The following ZNF257 variants were observed in gnomAD, a reference collection of about 807,000 sequenced individuals.
The protein encoded by ZNF257 is bone marrow zinc finger 4.
A neutral mutation model predicts 11.9 loss-of-function variants in ZNF257; 12 were observed. The ratio of observed to expected loss-of-function variants is 1.01; its 90% CI spans 0.65 to 1.63. The LOEUF (loss-of-function observed/expected upper bound fraction) is 1.63, where lower values mean the gene tolerates loss of function less well. Among genes scored for constraint, ZNF257 ranks in the 40% most tolerant of loss-of-function variants. The pLI is 0.00. For missense variants in ZNF257, 580 were observed against 665.5 expected (o/e 0.87, Z 1.41); for synonymous variants, 183 against 222.7 (o/e 0.82, Z 1.59).
chr19:22,080,226 C>T (rs2145712115), intron 3 of ZNF257, among the ~76,000 whole-genome samples: 1 of 152,272 alleles, frequency 6.6e-6, no homozygotes, highest in South Asian at 2.1e-4. Context: ...GAGAGCCTCT[C>T]ACTTTGTTCT....
At position 22,088,077 on chromosome 19, in the gene ZNF257, G is replaced by T; in HGVS notation, c.327G>T (p.Glu109Asp). ...ILRRYDKCEH[E>D]NLQLRKGCKS... is the part of the protein sequence containing the mutation. ...GGAGATATGATAAATGTGAACATGA[G>T]AATTTACAATTAAGAAAGGGCTGTA... The change falls in exon 4 of 4, where the codon GAG becomes GAT. Residue 109 changes from glutamate (E) to aspartate (D), a missense_variant. Coordinates refer to ENST00000594947, the MANE Select transcript of ZNF257 (RefSeq NM_033468.4). 1 of 1,607,994 alleles carries T rather than the reference G, an allele frequency of 6.2e-7. No homozygotes were observed. Among genetic ancestry groups the T allele is most frequent in the Non-Finnish European group, 8.5e-7 (1 of 1,176,504 alleles).
At chr19:22,066,958 A>G in intron 1 of ZNF257, among the ~76,000 whole-genome samples, 1 of 152,176 alleles carries the variant, frequency 6.6e-6, no homozygotes, top group East Asian at 1.9e-4. Flanking sequence ...CTGGGGCTGT[A>G]GAAAGTTTTT....
intron 1 of ZNF257, among the ~76,000 whole-genome samples, chr19:22,070,379 T>C (rs1210356568): frequency 6.6e-6 from 1 of 151,728 alleles, no homozygotes; most frequent in African/African-American, 2.4e-5. Context: ...ATTAAAATGC[T>C]GTGCCCTTTA....
intron 3 of ZNF257, among the ~76,000 whole-genome samples, chr19:22,078,710 T>C (rs1483414220): frequency 2.6e-5 from 4 of 152,094 alleles, no homozygotes; most frequent in Admixed American, 6.5e-5. Context: ...TATGTCTGGG[T>C]ATTTTATTTA....
intron 1 of ZNF257, among the ~76,000 whole-genome samples, chr19:22,056,478 A>ATTTTTTTT: frequency 7.4e-6 from 1 of 134,604 alleles, no homozygotes; most frequent in African/African-American, 2.9e-5. Context: ...GAATTTAGAA[A>ATTTTTTTT]TTTTTTTTTT....
intron 1 of ZNF257, among the ~76,000 whole-genome samples, chr19:22,059,623 G>T (rs1384210092): frequency 2.2e-5 from 3 of 139,196 alleles, no homozygotes; most frequent in East Asian, 4.2e-4. Context: ...TGCTACAAAG[G>T]ACATGATTTT....
In ZNF257 at chr19:22,088,260, G is replaced by T. The variant is rs1057511431; in HGVS notation, c.510G>T (p.Lys170Asn). 1.2e-6 allele frequency: 2 copies of T among 1,613,116 alleles called. No individual in the cohort carries two copies. Among genetic ancestry groups the T allele is most frequent in the African/African-American group, 2.7e-5 (2 of 74,850 alleles). The change falls in exon 4 of 4, where the codon AAG becomes AAT. Residue 170 changes from lysine to asparagine, a missense_variant. Coordinates refer to ENST00000594947, the MANE Select transcript of ZNF257 (RefSeq NM_033468.4). ...SDRHKIRHTEKKTCKCKECGK... is the reference protein window; with the variant it reads ...SDRHKIRHTENKTCKCKECGK... ...GACATAAGATAAGACATACTGAAAA[G>T]AAAACTTGCAAATGTAAAGAATGTG...
Position 22,088,439 on chromosome 19 carries a change from A to T in ZNF257, c.689A>T (p.Lys230Ile). 6.2e-7 allele frequency: 1 copy of T among 1,613,768 alleles called. No individual in the cohort carries two copies. The highest frequency in any genetic ancestry group is 2.2e-5 in the East Asian group (1 of 44,860). Residue 230 changes from lysine (K) to isoleucine (I), a missense_variant, in exon 4 of 4, where the codon AAA (lysine) becomes ATA (isoleucine). Transcript: ENST00000594947. The stretch of plus-strand genomic sequence containing the variant: ...ACTCATACTGGAGAGAAACCCTACA[A>T]ATGTGAAGAGTGTGGAAAAGCTTTT... Reference protein sequence around the residue: ...KMTHTGEKPYKCEECGKAFNR... With the variant: ...KMTHTGEKPYICEECGKAFNR...
At chr19:22,078,044 A>G (rs1020127895) in intron 3 of ZNF257, among the ~76,000 whole-genome samples, 3 of 151,274 alleles carry the variant, frequency 2.0e-5, no homozygotes, top group African/African-American at 7.3e-5. Context: ...TTGAGACCGG[A>G]CTGGCCAATA....
intron 1 of ZNF257, among the ~76,000 whole-genome samples, chr19:22,056,313 G>T (rs1167355561): frequency 6.6e-6 from 1 of 151,950 alleles, no homozygotes; most frequent in Non-Finnish European, 1.5e-5. Flanking sequence ...GCTAATTTTT[G>T]TATTTTTAGT....
At chr19:22,055,277 G>A (rs1176576726) in intron 1 of ZNF257, among the ~76,000 whole-genome samples, 2 of 152,072 alleles carry the variant, frequency 1.3e-5, no homozygotes, top group Non-Finnish European at 2.9e-5. Flanking sequence ...CACCATCTTG[G>A]CTCACTGCAA....
chr19:22,080,998 C>T (rs78424261), intron 3 of ZNF257, among the ~76,000 whole-genome samples: 6,655 of 151,754 alleles, frequency 0.044, 538 homozygotes, highest in African/African-American at 0.15. Flanking sequence ...CCACCTCAGC[C>T]TCCCGAGTTG....
intron 3 of ZNF257, among the ~76,000 whole-genome samples, chr19:22,084,818 C>G (rs1196059602): frequency 6.6e-6 from 1 of 151,254 alleles, no homozygotes; most frequent in African/African-American, 2.4e-5. Flanking sequence ...TAACTCCTGC[C>G]TCCCGGGTTC....
intron 1 of ZNF257, among the ~76,000 whole-genome samples, chr19:22,054,075 CTTTTTT>C (rs747135550): frequency 1.1e-5 from 1 of 88,220 alleles, no homozygotes; most frequent in Non-Finnish European, 2.1e-5. Flanking sequence ...ATTTGTTTTT[CTTTTTT>C]TTTTTTTTTA....
Position 22,067,479 on chromosome 19 carries a change from T to TA in ZNF257, c.4-5321dup, listed in dbSNP as rs55910414. On this transcript the variant is annotated intron_variant, in intron 1 of 3. Transcript: ENST00000594947. Reference sequence around the variant, plus strand: ...AATGTAGGTCTTAAGTTTTGGAAAATAAAAAAAAACGTTTATCTGAGGAAT... The same window carrying TA: ...AATGTAGGTCTTAAGTTTTGGAAAATAAAAAAAAAACGTTTATCTGAGGAAT... Among the ~76,000 whole-genome samples the TA allele has an allele frequency of 2.6e-3, 390 of 150,994 alleles. 3 individuals are homozygous for TA. Among genetic ancestry groups the TA allele is most frequent in the East Asian group, 0.023 (116 of 5,112 alleles).
rs1343371251 is a variant in ZNF257, at chr19:22,088,861, C to A, written c.1111C>A (p.Pro371Thr). 1.2e-6 allele frequency: 2 copies of A among 1,613,014 alleles called. No homozygotes were observed. Among genetic ancestry groups the A allele is most frequent in the East Asian group, 2.2e-5 (1 of 44,796 alleles). Reference sequence around the variant, plus strand: ...TAAGATAATTCATACTAAAGAGAAACCCTACAAATGTGAAGAGTGTGGAAA... The same window carrying A: ...TAAGATAATTCATACTAAAGAGAAAACCTACAAATGTGAAGAGTGTGGAAA... ...QHKIIHTKEKPYKCEECGKAF... is the reference protein window; with the variant it reads ...QHKIIHTKEKTYKCEECGKAF... Residue 371 changes from proline to threonine, a missense_variant, in exon 4 of 4, where the codon CCC (proline) becomes ACC (threonine). Pro to Thr is a conservative substitution (Grantham distance 38). Coordinates refer to ENST00000594947, the MANE Select transcript of ZNF257 (RefSeq NM_033468.4).
intron 3 of ZNF257, among the ~76,000 whole-genome samples, chr19:22,083,929 C>T (rs2022414198): frequency 6.6e-6 from 1 of 152,100 alleles, no homozygotes; most frequent in Admixed American, 6.5e-5. Flanking sequence ...CACCTGAGGT[C>T]AGGAGTTCTA....
At chr19:22,062,791 G>A (rs1270517684) in intron 1 of ZNF257, among the ~76,000 whole-genome samples, 2 of 151,984 alleles carry the variant, frequency 1.3e-5, no homozygotes, top group Non-Finnish European at 2.9e-5. Context: ...CACTGCACCC[G>A]GCTTACCTGA....
At chr19:22,083,487 C>A (rs1215833326) in intron 3 of ZNF257, among the ~76,000 whole-genome samples, 2 of 152,030 alleles carry the variant, frequency 1.3e-5, no homozygotes, top group African/African-American at 2.4e-5. Context: ...AAACTCATAA[C>A]TAAATTTCTC....
Sources: allele counts gnomAD v4.1 joint callset (sites outside exome capture counted in the v4.1 genomes callset), GRCh38; gene constraint gnomAD v4.1.1; transcripts MANE v1.5; gene names NCBI Gene and HGNC (gene_info 2026-07-23, HGNC 2026-07-21).